The following PIRT variants were observed in gnomAD, a reference collection of about 807,000 sequenced individuals.
PIRT encodes the protein phosphoinositide interacting regulator of transient receptor potential channels.
Under a neutral mutation model 7.9 loss-of-function variants are expected in PIRT, and 6 were observed. The observed-to-expected ratio is 0.76, with a 90% confidence interval of 0.42 to 1.51. PIRT has a LOEUF of 1.51. Ranked by LOEUF, PIRT falls within the 40% of genes most tolerant of loss-of-function variation. The pLI is 0.01. For missense variants in PIRT, 170 were observed against 172.9 expected, an observed-to-expected ratio of 0.98 and a Z score of 0.09; for synonymous variants, 78 against 71.8, an observed-to-expected ratio of 1.09 and a Z score of -0.44.
chr17:10,830,195 T>C (rs924528605), intron 1 of PIRT, among the ~76,000 whole-genome samples: 5 of 152,196 alleles, frequency 3.3e-5, no homozygotes, highest in African/African-American at 1.2e-4. Flanking sequence ...CCTCCCACGC[T>C]ACTCTCTGTA....
Position 10,829,733 on chromosome 17 carries a change from T to C in PIRT, c.-138-3950A>G, listed in dbSNP as rs530170338. ...ACTTAGATTCATAATCCCCTAACATTGACCCACTACGTGACGTGAGAAAGA... is the reference window on the plus strand; with the variant it reads ...ACTTAGATTCATAATCCCCTAACATCGACCCACTACGTGACGTGAGAAAGA... On this transcript the variant is annotated intron_variant, in intron 1 of 1. Transcript: ENST00000580256. Among the ~76,000 whole-genome samples, 61 of 152,324 alleles carry C rather than the reference T, an allele frequency of 4.0e-4. 1 individual carries two copies. The South Asian group carries it at 0.013, about 32-fold the overall frequency.
intron 1 of PIRT, among the ~76,000 whole-genome samples, chr17:10,830,147 C>T (rs1334908521): frequency 6.6e-6 from 1 of 152,152 alleles, no homozygotes; most frequent in Non-Finnish European, 1.5e-5. Flanking sequence ...AGAAGCAGTT[C>T]TCTTCCCCTG....
chr17:10,826,518 A>G (rs1487724122), intron 1 of PIRT, among the ~76,000 whole-genome samples: 1 of 152,264 alleles, frequency 6.6e-6, no homozygotes, highest in Admixed American at 6.5e-5. Flanking sequence ...TTACAGATAA[A>G]TTCTGCATGT....
Position 10,825,368 on chromosome 17 carries a change from C to T in PIRT, c.278G>A (p.Gly93Glu), listed in dbSNP as rs1905286989. The T allele has an allele frequency of 6.2e-7, 1 of 1,613,820 alleles. No homozygotes were observed. Among genetic ancestry groups the T allele is most frequent in the African/African-American group, 1.3e-5 (1 of 74,890 alleles). The change falls in exon 2 of 2, where the codon GGG (glycine) becomes GAG (glutamate). Residue 93 changes from glycine to glutamate, a missense_variant. Physicochemically the swap from Gly to Glu is moderately conservative, Grantham distance 98. Coordinates refer to ENST00000580256, the MANE Select transcript of PIRT (RefSeq NM_001101387.2). ...DKSLSILKMVGPGFLSLGLMM... is the reference protein window; with the variant it reads ...DKSLSILKMVEPGFLSLGLMM... ...GAGTCCCAGGGACAGGAAGCCAGGC[C>T]CTACCATTTTGAGGATGGAGAGACT...
intron 1 of PIRT, among the ~76,000 whole-genome samples, chr17:10,835,984 C>G (rs1283558358): frequency 6.6e-6 from 1 of 151,538 alleles, no homozygotes; most frequent in African/African-American, 2.4e-5. Flanking sequence ...CTCACTGCAA[C>G]CTCCACCTCC....
At chr17:10,836,016 C>T (rs753088241) in intron 1 of PIRT, among the ~76,000 whole-genome samples, 1 of 152,028 alleles carries the variant, frequency 6.6e-6, no homozygotes, top group Admixed American at 6.6e-5. Flanking sequence ...TATTCTCCTG[C>T]CTCAGCCTCC....
chr17:10,830,155 C>G (rs1055834618), intron 1 of PIRT, among the ~76,000 whole-genome samples: 1 of 152,138 alleles, frequency 6.6e-6, no homozygotes, highest in Non-Finnish European at 1.5e-5. Flanking sequence ...TTCTCTTCCC[C>G]TGAGCAGAGG....
chr17:10,834,530 T>C (rs1314063823), intron 1 of PIRT, among the ~76,000 whole-genome samples: 1 of 152,136 alleles, frequency 6.6e-6, no homozygotes, highest in Non-Finnish European at 1.5e-5. Flanking sequence ...TGCAGTGACA[T>C]TGGTGGGGTT....
intron 1 of PIRT, among the ~76,000 whole-genome samples, chr17:10,832,270 G>A (rs957175370): frequency 4.6e-5 from 7 of 151,938 alleles, no homozygotes; most frequent in Non-Finnish European, 7.4e-5. Context: ...TCGGCTCACC[G>A]CAACCGCCGC....
At chr17:10,831,731 G>C (rs533951061) in intron 1 of PIRT, among the ~76,000 whole-genome samples, 119 of 152,338 alleles carry the variant, frequency 7.8e-4, no homozygotes, top group African/African-American at 2.7e-3. Context: ...AGTATACTCA[G>C]TTTCCTTTAA....
chr17:10,828,734 G>T lies in PIRT; in HGVS notation c.-138-2951C>A, dbSNP rs190175698. Among the ~76,000 whole-genome samples, 129 of 152,308 alleles carry T rather than the reference G, an allele frequency of 8.5e-4. 2 individuals are homozygous for T. The highest frequency in any genetic ancestry group is 3.0e-3 in the African/African-American group (124 of 41,568). Reference sequence around the variant, plus strand: ...AATTTCAGCGGAGTCCCTCCAACCTGTTCATTCCAACCCTCACTGCTCAGG... The same window carrying T: ...AATTTCAGCGGAGTCCCTCCAACCTTTTCATTCCAACCCTCACTGCTCAGG... On this transcript the variant is annotated intron_variant, in intron 1 of 1. Coordinates refer to ENST00000580256, the MANE Select transcript of PIRT (RefSeq NM_001101387.2).
At chr17:10,829,965 G>GTCTGTCTATCTATCTATCTA (rs1195802326) in intron 1 of PIRT, among the ~76,000 whole-genome samples, 1 of 149,598 alleles carries the variant, frequency 6.7e-6, no homozygotes, top group African/African-American at 2.5e-5. Flanking sequence ...ATGTCTGTCT[G>GTCTGTCTATCTATCTATCTA]TCTATCTATC....
intron 1 of PIRT, among the ~76,000 whole-genome samples, chr17:10,830,185 C>T (rs1905431793): frequency 6.6e-6 from 1 of 152,122 alleles, no homozygotes; most frequent in African/African-American, 2.4e-5. Flanking sequence ...CCCTCCTCTC[C>T]CTCCCACGCT....
At chr17:10,828,270 T>C (rs1905381261) in intron 1 of PIRT, among the ~76,000 whole-genome samples, 1 of 152,078 alleles carries the variant, frequency 6.6e-6, no homozygotes, top group Non-Finnish European at 1.5e-5. Flanking sequence ...TCTCTGAGGG[T>C]CCCTTGCCTG....
At chr17:10,836,750 G>C (rs1905601850) in intron 1 of PIRT, among the ~76,000 whole-genome samples, 1 of 152,150 alleles carries the variant, frequency 6.6e-6, no homozygotes, top group Admixed American at 6.5e-5. Flanking sequence ...CCTCACTGCT[G>C]GGAGGCTGGG....
intron 1 of PIRT, among the ~76,000 whole-genome samples, chr17:10,834,892 GTTTGTTTT>G (rs1007811152): frequency 2.1e-5 from 3 of 141,880 alleles, no homozygotes; most frequent in African/African-American, 7.9e-5. Context: ...GCCCAGCGTT[GTTTGTTTT>G]TTTTTTTTTT....
intron 1 of PIRT, 130 bp from the exon 2 acceptor site, chr17:10,825,913 AG>A (rs1905303184): frequency 6.4e-6 from 2 of 310,542 alleles, no homozygotes; most frequent in African/African-American, 4.3e-5. Flanking sequence ...ATTTAAAACA[AG>A]GAACAGTGAT....
chr17:10,827,628 C>G (rs111560033), intron 1 of PIRT, among the ~76,000 whole-genome samples: 2 of 151,682 alleles, frequency 1.3e-5, no homozygotes, highest in African/African-American at 2.4e-5. Context: ...GTGCCCACCA[C>G]CACACGCAGC....
chr17:10,837,809 T>G (rs1905628071), intron 1 of PIRT, 136 bp downstream of exon 1: 1 of 152,212 alleles, frequency 6.6e-6, no homozygotes, highest in Non-Finnish European at 1.5e-5. Flanking sequence ...CATAGCCCCC[T>G]TTTCTCCGCT....
Sources: gnomAD v4.1 joint callset for allele counts (sites outside exome capture counted in the v4.1 genomes callset) on GRCh38, gnomAD v4.1.1 for gene constraint, MANE v1.5 for transcripts, NCBI Gene and HGNC (gene_info 2026-07-23, HGNC 2026-07-21) for gene names.